NCKAP1: variants seen among roughly 807,000 people sequenced by gnomAD.
The protein encoded by NCKAP1 is nck-associated protein 1.
NCKAP1 carries 21 observed loss-of-function variants against 151.2 expected under a neutral mutation model. The ratio of observed to expected loss-of-function variants is 0.14; its 90% CI spans 0.10 to 0.20. The LOEUF (loss-of-function observed/expected upper bound fraction) is 0.20. NCKAP1 is among the 10% of genes least tolerant of loss of function. The pLI is 1.00. For missense variants in NCKAP1, 933 were observed against 1,352.1 expected (o/e 0.69, Z 4.86); for synonymous variants, 484 against 451.8 (o/e 1.07, Z -0.90).
At chr2:182,938,802 A>C (rs1479161441) in intron 24 of NCKAP1, among the ~76,000 whole-genome samples, 1 of 152,214 alleles carries the variant, frequency 6.6e-6, no homozygotes, top group Non-Finnish European at 1.5e-5. Flanking sequence ...TCCAGAATGG[A>C]TAAAATATGT....
At chr2:182,936,377 G>A (rs76538646) in intron 24 of NCKAP1, among the ~76,000 whole-genome samples, 14 of 152,298 alleles carry the variant, frequency 9.2e-5, no homozygotes, top group African/African-American at 3.4e-4. Context: ...CTTACACTGT[G>A]TAGTAAAAGA....
At chr2:182,932,933 C>T (rs1387537157) in intron 26 of NCKAP1, among the ~76,000 whole-genome samples, 5 of 151,936 alleles carry the variant, frequency 3.3e-5, no homozygotes, top group Non-Finnish European at 5.9e-5. Context: ...GTTTATTCTG[C>T]ACAAAACACT....
intron 1 of NCKAP1, among the ~76,000 whole-genome samples, chr2:183,026,097 A>T (rs1698889520): frequency 6.6e-6 from 1 of 152,232 alleles, no homozygotes; most frequent in South Asian, 2.1e-4. Context: ...ACACACATAC[A>T]CATATATAAA....
At position 182,915,262 on chromosome 2, in the gene NCKAP1, T is replaced by C. The variant is rs1696448945; in HGVS notation, c.*10440A>G. On this transcript the variant is annotated 3_prime_UTR_variant, in exon 31 of 31. Transcript: ENST00000361354. ...CACACCTATTTTCCAACTGTAATAT[T>C]CTGTATAGAATGCAAATGTTCAGAC... The C allele has an allele frequency of 6.6e-6, 1 of 152,204 alleles. No homozygotes were observed. The highest frequency in any genetic ancestry group is 2.1e-4 in the South Asian group (1 of 4,828). The allele number at this position is 152,204 out of a possible 1,614,324, so 9.4% of individuals were successfully genotyped here. A position where few individuals can be genotyped will look rare whatever the true frequency, so the allele number is the denominator to read the frequency against.
intron 23 of NCKAP1, chr2:182,946,945 T>A (rs1697120732): frequency 6.6e-6 from 1 of 152,152 alleles, no homozygotes; most frequent in African/African-American, 2.4e-5. Context: ...TTGAAGGCAA[T>A]GGCACAGAAA....
chr2:182,989,929 G>A (rs571355672), intron 8 of NCKAP1, among the ~76,000 whole-genome samples: 1 of 151,962 alleles, frequency 6.6e-6, no homozygotes, highest in South Asian at 2.1e-4. Flanking sequence ...GGCCGAAGTT[G>A]CAGTGAGCCG....
In NCKAP1 at chr2:182,935,327, G is replaced by T; in HGVS notation, c.2744C>A (p.Ser915Tyr). 1 of 1,591,178 alleles carries T rather than the reference G, an allele frequency of 6.3e-7. No individual in the cohort carries two copies. The highest frequency in any genetic ancestry group is 1.8e-5 in the Admixed American group (1 of 54,828). Reference sequence around the variant, plus strand: ...TGCTTCTTGTGCCAATGATCGGAAGGATAAAATTACACCAATTATTGTCAT... The same window carrying T: ...TGCTTCTTGTGCCAATGATCGGAAGTATAAAATTACACCAATTATTGTCAT... ...KRMTIIGVIL[S>Y]FRSLAQEALR... Residue 915 changes from serine to tyrosine, a missense_variant, in exon 25 of 31, where the codon TCC becomes TAC. Transcript: ENST00000361354.
chr2:182,989,782 A>G (rs889148104), intron 8 of NCKAP1, among the ~76,000 whole-genome samples: 6 of 151,830 alleles, frequency 4.0e-5, no homozygotes, highest in African/African-American at 1.2e-4. Flanking sequence ...CAGGCGGATC[A>G]TGAGGTTAGG....
At chr2:182,933,167 C>T (rs1272693039) in intron 26 of NCKAP1, among the ~76,000 whole-genome samples, 1 of 151,996 alleles carries the variant, frequency 6.6e-6, no homozygotes, top group East Asian at 1.9e-4. Context: ...TTGAATCAAG[C>T]CTTAAAATAC....
rs1461248134 is a variant in NCKAP1, at chr2:182,935,382, T to A, written c.2696-7A>T. 2.0e-6 allele frequency: 3 copies of A among 1,519,434 alleles called. No individual in the cohort carries two copies. The highest frequency in any genetic ancestry group is 2.7e-6 in the Non-Finnish European group (3 of 1,130,538). The allele number at this position is 1,519,434 out of a possible 1,614,324, so 94.1% of individuals were successfully genotyped here. A position where few individuals can be genotyped will look rare whatever the true frequency, so the allele number is the denominator to read the frequency against. On this transcript the variant is annotated splice_region_variant and splice_polypyrimidine_tract_variant and intron_variant, in intron 24 of 30. Transcript: ENST00000361354. ...TTCAAGACACTGTCAACAGCTAAAT[T>A]CAAAGAAACAGAAGGAGAAGAGAAT...
At position 182,914,209 on chromosome 2, in the gene NCKAP1, A is replaced by C. The variant is rs1486116387; in HGVS notation, c.*11493T>G. 1 of 152,204 alleles carries C rather than the reference A, an allele frequency of 6.6e-6. No homozygotes were observed. The highest frequency in any genetic ancestry group is 1.5e-5 in the Non-Finnish European group (1 of 68,034). 9.4% of individuals were successfully genotyped at this position (152,204 alleles called of 1,614,324 possible). ...TTTAGTTAGCTTTGTTTTGTATTTT[A>C]TCATTCTGTCCTCAGTATCTAGCAC... On this transcript the variant is annotated 3_prime_UTR_variant, in exon 31 of 31. Transcript: ENST00000361354.
intron 1 of NCKAP1, among the ~76,000 whole-genome samples, chr2:183,030,283 C>G (rs1221173354): frequency 6.6e-6 from 1 of 152,182 alleles, no homozygotes; most frequent in African/African-American, 2.4e-5. Context: ...CCTCAGCCTC[C>G]TAAGTACCTG....
Position 182,914,589 on chromosome 2 carries a change from T to C in NCKAP1, c.*11113A>G, listed in dbSNP as rs1696439512. The C allele has an allele frequency of 6.6e-6, 1 of 152,202 alleles. No individual in the cohort carries two copies. The highest frequency in any genetic ancestry group is 6.5e-5 in the Admixed American group (1 of 15,282). The allele number at this position is 152,202 out of a possible 1,614,324, so 9.4% of individuals were successfully genotyped here. On this transcript the variant is annotated 3_prime_UTR_variant, in exon 31 of 31. Coordinates refer to ENST00000361354, the MANE Select transcript of NCKAP1 (RefSeq NM_013436.5). ...ACCATCTTTGAGGACACTCTGCATT[T>C]TAGAAGTGCCACAATAGCATATTCT...
At position 182,956,903 on chromosome 2, in the gene NCKAP1, A is replaced by G. The variant is rs1697339669; in HGVS notation, c.2022-310T>C. ...TTCCTGAAGTACTTTCTGTTATGAG[A>G]GAAGGAAAGTTGTCTATAAAAGGGC... is the stretch of plus-strand genomic sequence containing the variant. On this transcript the variant is annotated intron_variant, in intron 19 of 30. Transcript: ENST00000361354. The G allele has an allele frequency of 1.0e-5, 2 of 200,386 alleles. 1 individual carries two copies. Among genetic ancestry groups the G allele is most frequent in the South Asian group, 3.0e-4 (2 of 6,772 alleles). 12.4% of individuals were successfully genotyped at this position (200,386 alleles called of 1,614,324 possible). A position where few individuals can be genotyped will look rare whatever the true frequency, so the allele number is the denominator to read the frequency against.
Position 182,991,305 on chromosome 2 carries a change from C to T in NCKAP1, c.791-2119G>A, listed in dbSNP as rs34565726. Reference sequence around the variant, plus strand: ...GGGCATGATGGCTCACACCTGTAATCCCAACACTATGGGAGGCCAAGACAG... The same window carrying T: ...GGGCATGATGGCTCACACCTGTAATTCCAACACTATGGGAGGCCAAGACAG... On this transcript the variant is annotated intron_variant, in intron 8 of 30. Transcript: ENST00000361354. Among the ~76,000 whole-genome samples, 1,400 of 152,274 alleles carry T rather than the reference C, an allele frequency of 9.2e-3. 9 individuals carry two copies. The highest frequency in any genetic ancestry group is 0.016 in the Non-Finnish European group (1,070 of 68,014).
chr2:183,017,471 T>C (rs958018039), intron 2 of NCKAP1, among the ~76,000 whole-genome samples: 1 of 152,088 alleles, frequency 6.6e-6, no homozygotes, highest in Non-Finnish European at 1.5e-5. Context: ...CAGTTCACAA[T>C]AGGGTTTTCA....
chr2:182,925,150 C>T lies in NCKAP1; in HGVS notation c.*552G>A, dbSNP rs539057005. 6.6e-6 allele frequency: 1 copy of T among 152,200 alleles called. No homozygotes were observed. Among genetic ancestry groups the T allele is most frequent in the African/African-American group, 2.4e-5 (1 of 41,552 alleles). The allele number at this position is 152,200 out of a possible 1,614,324, so 9.4% of individuals were successfully genotyped here. On this transcript the variant is annotated 3_prime_UTR_variant, in exon 31 of 31. Transcript: ENST00000361354. ...TAGAATTTTGGGAAATGATCTGCTTCTAATACTAAGCAGTTCTTTAACATT... is the reference window on the plus strand; with the variant it reads ...TAGAATTTTGGGAAATGATCTGCTTTTAATACTAAGCAGTTCTTTAACATT...
In NCKAP1 at chr2:182,928,246, G is replaced by C. The variant is rs907266651; in HGVS notation, c.3071-20C>G. On this transcript the variant is annotated intron_variant, in intron 28 of 30. Coordinates refer to ENST00000361354, the MANE Select transcript of NCKAP1 (RefSeq NM_013436.5). ...AATGCCCTGAGAAAATGCAAATAGG[G>C]TTGTGTAGACCCCAAAATAGCAAAT... 1 of 1,554,476 alleles carries C rather than the reference G, an allele frequency of 6.4e-7. No individual in the cohort carries two copies.
At chr2:182,959,508 G>A (rs1470814028) in intron 18 of NCKAP1, among the ~76,000 whole-genome samples, 1 of 152,176 alleles carries the variant, frequency 6.6e-6, no homozygotes, top group Admixed American at 6.5e-5. Context: ...CTCAACAGAT[G>A]CACAAAAGGC....
Sources: allele counts gnomAD v4.1 joint callset (sites outside exome capture counted in the v4.1 genomes callset), GRCh38; gene constraint gnomAD v4.1.1; transcripts MANE v1.5; gene names NCBI Gene and HGNC (gene_info 2026-07-23, HGNC 2026-07-21).